Variants in PLCB1 observed in about 807,000 individuals in gnomAD.
PLCB1 encodes the protein 1-phosphatidylinositol 4,5-bisphosphate phosphodiesterase beta-1.
In PLCB1, 46 loss-of-function variants were observed where a neutral mutation model predicts 161.8. The ratio of observed to expected loss-of-function variants is 0.28; its 90% CI spans 0.22 to 0.36. PLCB1 has a LOEUF of 0.36. Among genes scored for constraint, PLCB1 ranks in the 10% least tolerant of loss-of-function variants. The probability of loss-of-function intolerance (pLI) is 1.00; values close to 1 mark genes in which losing one functional copy is unlikely to be tolerated. For missense variants in PLCB1, 1,016 were observed against 1,472.5 expected (o/e 0.69, Z 5.07); for synonymous variants, 517 against 503.7 (o/e 1.03, Z -0.35).
At chr20:8,852,449 T>A (rs899093872) in intron 31 of PLCB1, among the ~76,000 whole-genome samples, 1 of 152,208 alleles carries the variant, frequency 6.6e-6, no homozygotes, top group African/African-American at 2.4e-5. Flanking sequence ...TCAGGGCCTC[T>A]GTCCCAAGAA....
At chr20:8,282,400 C>A (rs1982914190) in intron 2 of PLCB1, among the ~76,000 whole-genome samples, 1 of 152,102 alleles carries the variant, frequency 6.6e-6, no homozygotes, top group Non-Finnish European at 1.5e-5. Context: ...AAAAGAAAAG[C>A]CTTTGGTTCT....
At chr20:8,698,756 G>C (rs941152922) in intron 11 of PLCB1, among the ~76,000 whole-genome samples, 18 of 152,160 alleles carry the variant, frequency 1.2e-4, no homozygotes, top group African/African-American at 4.3e-4. Flanking sequence ...GTGCTGTCAG[G>C]AGGCACAAAC....
chr20:8,768,883 C>T (rs1023345858), intron 26 of PLCB1, among the ~76,000 whole-genome samples: 1 of 152,214 alleles, frequency 6.6e-6, no homozygotes, highest in African/African-American at 2.4e-5. Context: ...TAAATTCCCT[C>T]GTTAACTATC....
At chr20:8,602,290 G>T (rs1987612613) in intron 3 of PLCB1, among the ~76,000 whole-genome samples, 1 of 151,784 alleles carries the variant, frequency 6.6e-6, no homozygotes, top group Non-Finnish European at 1.5e-5. Context: ...ACCTTAAACT[G>T]CCTTAATTTA....
At chr20:8,409,466 T>C (rs35103028) in intron 3 of PLCB1, among the ~76,000 whole-genome samples, 1 of 151,146 alleles carries the variant, frequency 6.6e-6, no homozygotes, top group African/African-American at 2.4e-5. Context: ...ATTATTATTG[T>C]TATTATTAAT....
chr20:8,579,205 C>A (rs6039202), intron 3 of PLCB1, among the ~76,000 whole-genome samples: 93,665 of 152,142 alleles, frequency 0.62, 30,998 homozygotes, highest in African/African-American at 0.87. Flanking sequence ...AATGTCACAT[C>A]TACAGAGAAA....
intron 2 of PLCB1, among the ~76,000 whole-genome samples, chr20:8,234,720 C>A (rs745616162): frequency 3.9e-4 from 59 of 151,922 alleles, no homozygotes; most frequent in Non-Finnish European, 7.5e-4. Flanking sequence ...GTGGATTTGG[C>A]AATGGTTGAT....
At position 8,881,860 on chromosome 20, in the gene PLCB1, C is replaced by T. The variant is rs774913612; in HGVS notation, c.*11C>T. The T allele has an allele frequency of 1.1e-5, 17 of 1,579,000 alleles. No individual in the cohort carries two copies. Among genetic ancestry groups the T allele is most frequent in the Non-Finnish European group, 1.5e-5 (17 of 1,148,404 alleles). On this transcript the variant is annotated 3_prime_UTR_variant, in exon 32 of 32. Coordinates refer to ENST00000338037, the MANE Select transcript of PLCB1 (RefSeq NM_015192.4). Reference sequence around the variant, plus strand: ...GATACTCCTCTGTGAATGCTCCTGCCAGGCCTTCAGAAATTGCATGGCCAC... The same window carrying T: ...GATACTCCTCTGTGAATGCTCCTGCTAGGCCTTCAGAAATTGCATGGCCAC...
intron 2 of PLCB1, among the ~76,000 whole-genome samples, chr20:8,171,697 A>G (rs149994119): frequency 1.0e-3 from 153 of 152,254 alleles, no homozygotes; most frequent in African/African-American, 3.5e-3. Flanking sequence ...GTAAGTGTTT[A>G]TTATTATTAC....
chr20:8,314,406 G>A (rs62195919), intron 2 of PLCB1, among the ~76,000 whole-genome samples: 1 of 152,168 alleles, frequency 6.6e-6, no homozygotes, highest in Admixed American at 6.5e-5. Flanking sequence ...CAGAATATAT[G>A]TAAGAAGCCA....
At chr20:8,700,202 C>T (rs990675322) in intron 11 of PLCB1, among the ~76,000 whole-genome samples, 2 of 152,234 alleles carry the variant, frequency 1.3e-5, no homozygotes, top group African/African-American at 4.8e-5. Context: ...TGGCACCGCA[C>T]ACTGCCCATC....
intron 2 of PLCB1, among the ~76,000 whole-genome samples, chr20:8,335,899 GCTGA>G (rs1985556977): frequency 6.6e-6 from 1 of 152,186 alleles, no homozygotes; most frequent in Non-Finnish European, 1.5e-5. Flanking sequence ...CTGGAGAATA[GCTGA>G]CTGCCTACAA....
intron 2 of PLCB1, among the ~76,000 whole-genome samples, chr20:8,261,023 T>G (rs1981664075): frequency 6.6e-6 from 1 of 152,146 alleles, no homozygotes; most frequent in African/African-American, 2.4e-5. Context: ...AGCCCTTGTG[T>G]TGCAATCCAT....
At chr20:8,831,223 G>A (rs1985964806) in intron 31 of PLCB1, 1 of 157,094 alleles carries the variant, frequency 6.4e-6, no homozygotes, top group South Asian at 2.0e-4. Flanking sequence ...TCTCTCCCCA[G>A]GCTGTGTCCA....
intron 18 of PLCB1, chr20:8,729,387 C>G (rs2123492070): frequency 2.8e-6 from 1 of 356,420 alleles, no homozygotes; most frequent in Admixed American, 4.7e-5. Context: ...ATCTTTATTT[C>G]TACAGGCTTT....
At chr20:8,341,186 C>T (rs1985796858) in intron 2 of PLCB1, among the ~76,000 whole-genome samples, 2 of 152,128 alleles carry the variant, frequency 1.3e-5, no homozygotes, top group African/African-American at 4.8e-5. Flanking sequence ...TCCTCATCAC[C>T]AACATGAAAT....
chr20:8,239,155 A>G (rs916878593), intron 2 of PLCB1, among the ~76,000 whole-genome samples: 2 of 152,004 alleles, frequency 1.3e-5, no homozygotes, highest in East Asian at 1.9e-4. Flanking sequence ...AGGAGCACCT[A>G]TTTCTCAGAG....
intron 9 of PLCB1, among the ~76,000 whole-genome samples, chr20:8,666,886 T>C (rs1482836930): frequency 6.6e-6 from 1 of 152,118 alleles, no homozygotes; most frequent in Non-Finnish European, 1.5e-5. Flanking sequence ...TGATGGTGGC[T>C]GTTGCCCTAT....
chr20:8,338,658 A>G (rs1178992266), intron 2 of PLCB1, among the ~76,000 whole-genome samples: 2 of 152,224 alleles, frequency 1.3e-5, no homozygotes, highest in Non-Finnish European at 2.9e-5. Flanking sequence ...TATAATTTAT[A>G]TAGAGTAGAA....
Sources: allele counts gnomAD v4.1 joint callset (sites outside exome capture counted in the v4.1 genomes callset), GRCh38; gene constraint gnomAD v4.1.1; transcripts MANE v1.5; gene names NCBI Gene and HGNC (gene_info 2026-07-23, HGNC 2026-07-21).